The following VAPB variants were observed in gnomAD, a reference collection of about 807,000 sequenced individuals.
VAPB encodes VAMP associated protein B and C.
VAPB carries 7 observed loss-of-function variants against 25.6 expected under a neutral mutation model. The ratio of observed to expected loss-of-function variants is 0.27; its 90% CI spans 0.16 to 0.51. The LOEUF (loss-of-function observed/expected upper bound fraction) is 0.51, where lower values mean the gene tolerates loss of function less well. VAPB is among the 20% of genes least tolerant of loss of function. VAPB has a pLI of 0.97. For missense variants in VAPB, 266 were observed against 301.3 expected (o/e 0.88, Z 0.87); for synonymous variants, 112 against 109.2 (o/e 1.03, Z -0.16).
intron 1 of VAPB, among the ~76,000 whole-genome samples, chr20:58,414,557 C>A (rs939246608): frequency 5.3e-5 from 8 of 151,210 alleles, no homozygotes; most frequent in Non-Finnish European, 1.0e-4. Context: ...GGGTCGTGGC[C>A]GGGCAGAGGC....
At chr20:58,394,964 G>A (rs1427116153) in intron 1 of VAPB, among the ~76,000 whole-genome samples, 1 of 152,170 alleles carries the variant, frequency 6.6e-6, no homozygotes, top group Non-Finnish European at 1.5e-5. Context: ...TTGTATGCAT[G>A]TTTCCTTCAA....
chr20:58,405,910 C>T (rs1303994142), intron 1 of VAPB, among the ~76,000 whole-genome samples: 1 of 151,910 alleles, frequency 6.6e-6, no homozygotes, highest in African/African-American at 2.4e-5. Context: ...TGTGCCACCA[C>T]GCCTAAGTAA....
At chr20:58,395,658 T>C (rs1205135917) in intron 1 of VAPB, among the ~76,000 whole-genome samples, 1 of 152,236 alleles carries the variant, frequency 6.6e-6, no homozygotes, top group Non-Finnish European at 1.5e-5. Context: ...CCGAGGATTG[T>C]GTTAAAAACA....
At chr20:58,431,393 A>G (rs1256957440) in intron 2 of VAPB, 2 of 152,206 alleles carry the variant, frequency 1.3e-5, no homozygotes, top group African/African-American at 4.8e-5. Flanking sequence ...TTCCACAATT[A>G]TAATTTTTAC....
chr20:58,423,445 A>AAAAAAAAAAAAAAAAAAAAC, intron 2 of VAPB, among the ~76,000 whole-genome samples: 1 of 143,808 alleles, frequency 7.0e-6, no homozygotes, highest in Non-Finnish European at 1.5e-5. Context: ...AAAAAAAAAA[A>AAAAAAAAAAAAAAAAAAAAC]AAAAGAAAAG....
chr20:58,398,518 G>T (rs921983008), intron 1 of VAPB, among the ~76,000 whole-genome samples: 3 of 152,150 alleles, frequency 2.0e-5, no homozygotes, highest in African/African-American at 4.8e-5. Context: ...CTGGGAGGAA[G>T]GCCTAGCCCT....
chr20:58,416,185 T>C (rs1171135539), intron 1 of VAPB, among the ~76,000 whole-genome samples: 15 of 152,200 alleles, frequency 9.9e-5, no homozygotes, highest in Admixed American at 9.8e-4. Flanking sequence ...ATATTGCTTG[T>C]CTTTTAATAG....
intron 3 of VAPB, among the ~76,000 whole-genome samples, chr20:58,435,900 T>C (rs1297207319): frequency 1.3e-5 from 2 of 152,262 alleles, no homozygotes; most frequent in African/African-American, 2.4e-5. Context: ...TCTGTTTGGC[T>C]TCTGCTGCAT....
intron 2 of VAPB, among the ~76,000 whole-genome samples, chr20:58,424,448 C>T (rs1424792518): frequency 6.6e-6 from 1 of 151,524 alleles, no homozygotes; most frequent in Non-Finnish European, 1.5e-5. Context: ...AGCTGGAATT[C>T]CTTAAGCCTC....
intron 1 of VAPB, among the ~76,000 whole-genome samples, chr20:58,391,621 C>A (rs757540887): frequency 6.6e-6 from 1 of 152,086 alleles, no homozygotes. Context: ...CTCTGCCTCC[C>A]AGGTTCAAGT....
Position 58,449,206 on chromosome 20 carries a change from C to T in VAPB, c.*4971C>T, listed in dbSNP as rs1289800329. On this transcript the variant is annotated 3_prime_UTR_variant, in exon 6 of 6. Coordinates refer to ENST00000475243, the MANE Select transcript of VAPB (RefSeq NM_004738.5). ...GAATCCCATTAGCCACAGCCTAGAA[C>T]ATTAGCTGAGCTGCACAAGCTCACC... The T allele has an allele frequency of 1.5e-5, 7 of 454,036 alleles. No homozygotes were observed. In the East Asian group the frequency reaches 4.9e-4, roughly 32 times the overall value. The allele number at this position is 454,036 out of a possible 1,614,324, so 28.1% of individuals were successfully genotyped here.
chr20:58,435,512 C>T (rs1217906852), intron 3 of VAPB, among the ~76,000 whole-genome samples: 1 of 152,166 alleles, frequency 6.6e-6, no homozygotes, highest in Admixed American at 6.5e-5. Flanking sequence ...AAGGGGAGCC[C>T]CGAGTCATCC....
At chr20:58,398,857 CTT>C (rs11475936) in intron 1 of VAPB, among the ~76,000 whole-genome samples, 41 of 143,598 alleles carry the variant, frequency 2.9e-4, no homozygotes, top group Admixed American at 4.2e-4. Flanking sequence ...AAGGCTATGG[CTT>C]TTTTTTTTTT....
rs549911025 is a variant in VAPB at position 58,442,026 on chromosome 20, G to C, written c.573+943G>C. 2.8e-4 allele frequency among the ~76,000 whole-genome samples: 42 copies of C among 152,278 alleles called. 1 individual carries two copies. The highest frequency in any genetic ancestry group is 2.4e-3 in the Admixed American group (36 of 15,296). ...TGAGTGATGAAGTGGGGAGGCAGGG[G>C]GTGCTTCTTTTGGCTTGTGGTGGTG... On this transcript the variant is annotated intron_variant, in intron 5 of 5. Transcript: ENST00000475243.
rs189496282 is a variant in VAPB at position 58,449,530 on chromosome 20, A to C, written c.*5295A>C. ...AAGAAAAGTGTAGCAACAAAAATGT[A>C]GCCATTATCTAACTTGCCATAAATA... is the stretch of plus-strand genomic sequence containing the variant. On this transcript the variant is annotated 3_prime_UTR_variant, in exon 6 of 6. Coordinates refer to ENST00000475243, the MANE Select transcript of VAPB (RefSeq NM_004738.5). 8.8e-6 allele frequency: 4 copies of C among 454,084 alleles called. No homozygotes were observed. Among genetic ancestry groups the C allele is most frequent in the African/African-American group, 8.0e-5 (4 of 50,120 alleles). 28.1% of individuals were successfully genotyped at this position (454,084 alleles called of 1,614,324 possible). A position where few individuals can be genotyped will look rare whatever the true frequency, so the allele number is the denominator to read the frequency against.
chr20:58,401,040 A>C (rs926495234), intron 1 of VAPB, among the ~76,000 whole-genome samples: 1 of 152,250 alleles, frequency 6.6e-6, no homozygotes, highest in African/African-American at 2.4e-5. Flanking sequence ...ATCTTAGTGC[A>C]TAGTTCACCT....
intron 2 of VAPB, among the ~76,000 whole-genome samples, chr20:58,421,657 G>T (rs561073365): frequency 2.0e-5 from 3 of 152,158 alleles, no homozygotes; most frequent in African/African-American, 7.2e-5. Flanking sequence ...TATTCGGGAA[G>T]GCTGTAAATC....
At chr20:58,414,952 C>G (rs1988501261) in intron 1 of VAPB, among the ~76,000 whole-genome samples, 1 of 152,254 alleles carries the variant, frequency 6.6e-6, no homozygotes, top group Admixed American at 6.5e-5. Flanking sequence ...ACTGAGTGAA[C>G]GAGACTCCGC....
intron 1 of VAPB, among the ~76,000 whole-genome samples, chr20:58,415,144 C>T (rs559894774): frequency 1.9e-4 from 29 of 152,380 alleles, no homozygotes; most frequent in Middle Eastern, 3.4e-3. Context: ...TCTAGCCCCT[C>T]TTACTGTCTT....
Sources: gnomAD v4.1 joint callset for allele counts (sites outside exome capture counted in the v4.1 genomes callset) on GRCh38, gnomAD v4.1.1 for gene constraint, MANE v1.5 for transcripts, NCBI Gene and HGNC (gene_info 2026-07-23, HGNC 2026-07-21) for gene names.